Variants in SLC20A2 observed in about 807,000 individuals in gnomAD.
SLC20A2 encodes the protein solute carrier family 20 member 2, also known as sodium-dependent phosphate transporter 2.
A neutral mutation model predicts 61.0 loss-of-function variants in SLC20A2; 30 were observed. That is an observed-to-expected ratio of 0.49 (90% CI 0.37 to 0.67). The LOEUF is 0.67. SLC20A2 is among the 30% of genes least tolerant of loss of function. The probability of loss-of-function intolerance (pLI) is 0.00; values close to 1 mark genes in which losing one functional copy is unlikely to be tolerated. For missense variants in SLC20A2, 626 were observed against 866.4 expected (o/e 0.72, Z 3.48); for synonymous variants, 351 against 353.3 (o/e 0.99, Z 0.07).
At chr8:42,468,157 C>T (rs920900481) in intron 2 of SLC20A2, among the ~76,000 whole-genome samples, 4 of 152,154 alleles carry the variant, frequency 2.6e-5, no homozygotes, top group Non-Finnish European at 5.9e-5. Flanking sequence ...CTGCCTCGGC[C>T]TCCCAAAGTG....
intron 1 of SLC20A2, chr8:42,541,070 A>G (rs893743914): frequency 1.3e-5 from 2 of 152,228 alleles, no homozygotes; most frequent in African/African-American, 4.8e-5. Flanking sequence ...CTATGCTCTC[A>G]AGACCAAAAA....
At chr8:42,444,801 C>A (rs749265269) in intron 5 of SLC20A2, 39 bp from the exon 6 acceptor site, 8 of 1,527,972 alleles carry the variant, frequency 5.2e-6, no homozygotes, top group Non-Finnish European at 4.5e-6. Context: ...TTACTGGAAA[C>A]TTCTGCAAGG....
At chr8:42,536,203 G>GATATAT (rs1812686351) in intron 1 of SLC20A2, among the ~76,000 whole-genome samples, 1 of 152,108 alleles carries the variant, frequency 6.6e-6, no homozygotes, top group Non-Finnish European at 1.5e-5. Flanking sequence ...TTTTATGCAG[G>GATATAT]CCATCCCGAA....
At chr8:42,501,726 G>A (rs911359456), upstream of SLC20A2, among the ~76,000 whole-genome samples, 1 of 152,172 alleles carries the variant, frequency 6.6e-6, no homozygotes, top group African/African-American at 2.4e-5. Flanking sequence ...CCAAGGAGTC[G>A]CTATGAAGAC....
chr8:42,468,389 G>A (rs560235816), intron 2 of SLC20A2, among the ~76,000 whole-genome samples: 1 of 152,280 alleles, frequency 6.6e-6, no homozygotes, highest in East Asian at 1.9e-4. Flanking sequence ...ACCTGAGAGA[G>A]GGAAGAAGGA....
intron 3 of SLC20A2, 110 bp downstream of exon 3, chr8:42,465,667 G>T: frequency 1.8e-6 from 2 of 1,102,858 alleles, no homozygotes; most frequent in South Asian, 1.7e-5. Flanking sequence ...CTCCAGCCTG[G>T]CAACAGAGTG....
At chr8:42,511,520 G>C (rs542157277) in intron 1 of SLC20A2, among the ~76,000 whole-genome samples, 2 of 152,004 alleles carry the variant, frequency 1.3e-5, no homozygotes, top group African/African-American at 4.8e-5. Context: ...CCAGCTACTC[G>C]GGAGGCTGAG....
intron 1 of SLC20A2, among the ~76,000 whole-genome samples, chr8:42,476,717 A>C (rs1227609306): frequency 6.6e-6 from 1 of 151,982 alleles, no homozygotes; most frequent in African/African-American, 2.4e-5. Flanking sequence ...TTTCTTCTTC[A>C]CACTCACACC....
chr8:42,504,189 C>T (rs565191603), upstream of SLC20A2, among the ~76,000 whole-genome samples: 5 of 152,332 alleles, frequency 3.3e-5, no homozygotes, highest in African/African-American at 4.8e-5. Context: ...GATTCTTCCA[C>T]CTCAGCCTCC....
chr8:42,498,851 AT>A (rs1181714079), intron 1 of SLC20A2, among the ~76,000 whole-genome samples: 1 of 152,304 alleles, frequency 6.6e-6, no homozygotes, highest in East Asian at 1.9e-4. Flanking sequence ...CGCAGTTCCC[AT>A]TTAGCCATGC....
chr8:42,515,772 T>G (rs1372089607), intron 1 of SLC20A2, among the ~76,000 whole-genome samples: 1 of 152,214 alleles, frequency 6.6e-6, no homozygotes, highest in African/African-American at 2.4e-5. Flanking sequence ...CAGGGTTTTT[T>G]AAACAAAGTT....
chr8:42,516,415 T>A (rs936939106), intron 1 of SLC20A2, among the ~76,000 whole-genome samples: 2 of 152,208 alleles, frequency 1.3e-5, no homozygotes, highest in Admixed American at 6.5e-5. Context: ...TGAAGTCCTG[T>A]TTTATAACCT....
intron 5 of SLC20A2, among the ~76,000 whole-genome samples, chr8:42,451,866 T>A (rs1247508668): frequency 2.2e-5 from 2 of 92,284 alleles, no homozygotes; most frequent in African/African-American, 8.9e-5. Flanking sequence ...GAGGAAAAGA[T>A]GGAGGAGGAA....
intron 1 of SLC20A2, among the ~76,000 whole-genome samples, chr8:42,490,920 T>C (rs1272810451): frequency 6.6e-6 from 1 of 152,226 alleles, no homozygotes; most frequent in African/African-American, 2.4e-5. Flanking sequence ...TGAGCTCTTT[T>C]ATAACTCCTA....
intron 5 of SLC20A2, 152 bp from the exon 6 acceptor site, chr8:42,444,914 T>C (rs1299980843): frequency 5.0e-6 from 3 of 597,526 alleles, no homozygotes; most frequent in Non-Finnish European, 9.0e-6. Flanking sequence ...GCTATACTTT[T>C]TGGAGTAGAA....
At chr8:42,434,245 C>A (rs1393629163) in intron 8 of SLC20A2, among the ~76,000 whole-genome samples, 1 of 152,052 alleles carries the variant, frequency 6.6e-6, no homozygotes, top group Non-Finnish European at 1.5e-5. Flanking sequence ...CAGAAACAGG[C>A]CCAGCTAATT....
intron 1 of SLC20A2, among the ~76,000 whole-genome samples, chr8:42,473,549 TAA>T (rs1334662024): frequency 6.6e-6 from 1 of 152,074 alleles, no homozygotes; most frequent in Non-Finnish European, 1.5e-5. Flanking sequence ...ATATCACCGT[TAA>T]GAGAGGACTT....
chr8:42,504,983 C>T (rs978675696), upstream of SLC20A2, among the ~76,000 whole-genome samples: 1 of 145,672 alleles, frequency 6.9e-6, no homozygotes, highest in African/African-American at 2.5e-5. Flanking sequence ...GTGACAGGAA[C>T]AGACTCACCC....
chr8:42,461,189 T>C (rs895716461), intron 4 of SLC20A2, among the ~76,000 whole-genome samples: 2 of 152,128 alleles, frequency 1.3e-5, no homozygotes, highest in Non-Finnish European at 2.9e-5. Context: ...GAGGCAGCCA[T>C]GTGGCAAACA....
Sources: allele counts gnomAD v4.1 joint callset (sites outside exome capture counted in the v4.1 genomes callset), GRCh38; gene constraint gnomAD v4.1.1; transcripts MANE v1.5; gene names NCBI Gene and HGNC (gene_info 2026-07-23, HGNC 2026-07-21).